PNLIPRP3: variants seen among roughly 807,000 people sequenced by gnomAD.
The protein encoded by PNLIPRP3 is pancreatic lipase-related protein 3.
In PNLIPRP3, 58 loss-of-function variants were observed where a neutral mutation model predicts 52.8. That is an observed-to-expected ratio of 1.10 (90% CI 0.89 to 1.37). The LOEUF is 1.37. Among genes scored for constraint, PNLIPRP3 ranks in the 40% most tolerant of loss-of-function variants. The pLI, the probability that PNLIPRP3 is intolerant of heterozygous loss-of-function variation, is 0.00. For missense variants in PNLIPRP3, 593 were observed against 561.6 expected, an observed-to-expected ratio of 1.06 and a Z score of -0.57; for synonymous variants, 192 against 185.0, an observed-to-expected ratio of 1.04 and a Z score of -0.31.
chr10:116,439,547 G>A (rs944279778), intron 2 of PNLIPRP3: 35 of 837,996 alleles, frequency 4.2e-5, no homozygotes, highest in African/African-American at 2.3e-4. Context: ...GACGCTTTGC[G>A]CCATCAAACT....
chr10:116,447,179 G>A (rs1020332058), intron 4 of PNLIPRP3, among the ~76,000 whole-genome samples: 1 of 152,196 alleles, frequency 6.6e-6, no homozygotes, highest in Non-Finnish European at 1.5e-5. Context: ...GGGGCTGCCT[G>A]AGAGACTGAT....
At chr10:116,473,710 C>T (rs562636950) in intron 10 of PNLIPRP3, among the ~76,000 whole-genome samples, 131 of 151,856 alleles carry the variant, frequency 8.6e-4, no homozygotes, top group Non-Finnish European at 1.7e-3. Flanking sequence ...TTAGTAGAGA[C>T]GGGGTTCACC....
chr10:116,464,043 T>A (rs1339085790), intron 7 of PNLIPRP3, among the ~76,000 whole-genome samples: 3 of 152,162 alleles, frequency 2.0e-5, no homozygotes, highest in Non-Finnish European at 2.9e-5. Flanking sequence ...TAGAATGTTA[T>A]GAAAATTTTG....
At chr10:116,471,715 C>A in intron 9 of PNLIPRP3, 53 bp from the exon 10 acceptor site, 1 of 1,343,320 alleles carries the variant, frequency 7.4e-7, no homozygotes, top group Non-Finnish European at 1.1e-6. Context: ...GTCATACTTC[C>A]CATGTGTTTT....
intron 8 of PNLIPRP3, among the ~76,000 whole-genome samples, chr10:116,468,723 A>C (rs891619301): frequency 1.3e-5 from 2 of 152,240 alleles, no homozygotes; most frequent in African/African-American, 4.8e-5. Context: ...TATTTTTGAC[A>C]TTTTAAAAAT....
chr10:116,443,623 TATATAACACATATATATAACAC>T (rs1564695363), intron 3 of PNLIPRP3, among the ~76,000 whole-genome samples: 4 of 4,260 alleles, frequency 9.4e-4, no homozygotes, highest in African/African-American at 1.4e-3. Flanking sequence ...GTGTTTTATA[TATATAACACATATATATAACAC>T]ATATGTGTTT....
At chr10:116,471,938 G>GT (rs1245249543) in intron 10 of PNLIPRP3, 59 bp downstream of exon 10, 10 of 1,032,926 alleles carry the variant, frequency 9.7e-6, no homozygotes, top group Non-Finnish European at 1.5e-5. Context: ...AACACTAAGT[G>GT]AGACTGGCTC....
At chr10:116,429,635 C>T (rs1460564871) in intron 1 of PNLIPRP3, among the ~76,000 whole-genome samples, 1 of 152,168 alleles carries the variant, frequency 6.6e-6, no homozygotes, top group Non-Finnish European at 1.5e-5. Context: ...TTTCATATTT[C>T]AAGAACTATA....
chr10:116,472,567 C>G (rs1222182674), intron 10 of PNLIPRP3, among the ~76,000 whole-genome samples: 1 of 152,208 alleles, frequency 6.6e-6, no homozygotes, highest in African/African-American at 2.4e-5. Context: ...TCCTCAAACA[C>G]TGGGCACAGG....
At chr10:116,474,094 C>T (rs535341004) in intron 10 of PNLIPRP3, among the ~76,000 whole-genome samples, 5 of 152,068 alleles carry the variant, frequency 3.3e-5, no homozygotes, top group Non-Finnish European at 5.9e-5. Context: ...CAAAAACAGA[C>T]ACATAGACCC....
intron 8 of PNLIPRP3, among the ~76,000 whole-genome samples, chr10:116,467,863 C>A (rs918080337): frequency 6.6e-6 from 1 of 151,884 alleles, no homozygotes; most frequent in African/African-American, 2.4e-5. Flanking sequence ...CGGTGGCTCA[C>A]GCTTGTAATC....
intron 4 of PNLIPRP3, among the ~76,000 whole-genome samples, chr10:116,445,939 G>T (rs192917491): frequency 9.2e-5 from 14 of 152,290 alleles, no homozygotes; most frequent in Admixed American, 6.5e-4. Context: ...AGGTGCTTGG[G>T]AATGGGGTAG....
At chr10:116,453,548 G>T (rs1288524237) in intron 4 of PNLIPRP3, among the ~76,000 whole-genome samples, 1 of 152,034 alleles carries the variant, frequency 6.6e-6, no homozygotes, top group Non-Finnish European at 1.5e-5. Context: ...TTGGAAATGG[G>T]GCTTAGTGGG....
At chr10:116,474,208 C>G (rs1846422314) in intron 10 of PNLIPRP3, among the ~76,000 whole-genome samples, 1 of 152,166 alleles carries the variant, frequency 6.6e-6, no homozygotes, top group African/African-American at 2.4e-5. Flanking sequence ...GAATCCCCTA[C>G]TCAATAAATG....
At position 116,443,052 on chromosome 10, in the gene PNLIPRP3, CAG is replaced by C; in HGVS notation, c.205-2_205-1del. The C allele has an allele frequency of 1.3e-6, 2 of 1,571,758 alleles. No individual in the cohort carries two copies. The highest frequency in any genetic ancestry group is 1.7e-6 in the Non-Finnish European group (2 of 1,154,202). ...TTCCTTAATCTCTTTCTGCTTGAAA[CAG>C]GAGATCAGTGCGGTTAATTCTTCAA... On this transcript the variant is annotated splice_acceptor_variant, in intron 2 of 11. Transcript: ENST00000369230. LOFTEE classifies it high-confidence loss of function.
At chr10:116,453,596 T>C (rs531262934) in intron 4 of PNLIPRP3, among the ~76,000 whole-genome samples, 38 of 152,132 alleles carry the variant, frequency 2.5e-4, no homozygotes, top group South Asian at 1.0e-3. Context: ...TCATGAATGG[T>C]TTAGTGCCAC....
Position 116,477,378 on chromosome 10 carries a change from T to C in PNLIPRP3, c.*225T>C, listed in dbSNP as rs1036091319. ...GGGACAAAAGATAATTACTATGATC[T>C]GTAGGAATCTGGATATCATTGACAA... On this transcript the variant is annotated 3_prime_UTR_variant, in exon 12 of 12. Transcript: ENST00000369230. 5.6e-6 allele frequency: 2 copies of C among 356,648 alleles called. No individual in the cohort carries two copies. The allele number at this position is 356,648 out of a possible 1,614,324, so 22.1% of individuals were successfully genotyped here.
intron 7 of PNLIPRP3, 95 bp from the exon 8 acceptor site, chr10:116,465,955 G>T (rs7903386): frequency 1.1e-6 from 1 of 897,726 alleles, no homozygotes. Flanking sequence ...CCCAACTCAA[G>T]AAGACTGCCA....
chr10:116,474,774 G>A (rs1846432983), intron 10 of PNLIPRP3, among the ~76,000 whole-genome samples: 2 of 152,080 alleles, frequency 1.3e-5, no homozygotes, highest in South Asian at 4.1e-4. Context: ...CAGTCAGAAT[G>A]GCTATTATTA....
Sources: gnomAD v4.1 joint callset for allele counts (sites outside exome capture counted in the v4.1 genomes callset) on GRCh38, gnomAD v4.1.1 for gene constraint, MANE v1.5 for transcripts, NCBI Gene and HGNC (gene_info 2026-07-23, HGNC 2026-07-21) for gene names.